RNF213: variants seen among roughly 807,000 people sequenced by gnomAD.
RNF213 encodes the protein E3 ubiquitin-protein ligase RNF213.
RNF213 carries 341 observed loss-of-function variants against 514.4 expected under a neutral mutation model. The ratio of observed to expected loss-of-function variants is 0.66; its 90% CI spans 0.61 to 0.73. RNF213 has a LOEUF of 0.73. Among genes scored for constraint, RNF213 ranks in the 30% least tolerant of loss-of-function variants. The pLI is 0.00. For missense variants in RNF213, 5,767 were observed against 6,615.6 expected, an observed-to-expected ratio of 0.87 and a Z score of 4.45; for synonymous variants, 2,655 against 2,658.2, an observed-to-expected ratio of 1.00 and a Z score of 0.04.
rs1293138937 is a variant in RNF213, at chr17:80,346,593, T to C, written c.8258T>C (p.Phe2753Ser). 1.9e-6 allele frequency: 3 copies of C among 1,613,178 alleles called. No individual in the cohort carries two copies. Among genetic ancestry groups the C allele is most frequent in the African/African-American group, 2.7e-5 (2 of 74,916 alleles). ...AKNLALKENV[F>S]MMVVCIELKI... ...AACTTGGCCTTGAAGGAGAACGTCT[T>C]CATGATGGTCGTCTGCATCGAGCTG... The change falls in exon 29 of 68, where the codon TTC becomes TCC. Residue 2753 changes from phenylalanine (F) to serine (S), a missense_variant. Physicochemically the swap from Phe to Ser is radical, Grantham distance 155 (BLOSUM62 -2). Around this residue, in one of 13 missense-constraint regions of RNF213, gnomAD observed 105 missense variants for 183.9 expected, o/e 0.57. Coordinates refer to ENST00000582970, the MANE Select transcript of RNF213 (RefSeq NM_001256071.3). This position sits in a 1 kb window ranked among gnomAD's most constrained non-coding sequence, Gnocchi z 8.1.
chr17:80,352,994 C>G lies in RNF213; in HGVS notation c.10358C>G (p.Ser3453Cys). The G allele has an allele frequency of 6.2e-7, 1 of 1,613,988 alleles. No homozygotes were observed. Among genetic ancestry groups the G allele is most frequent in the Non-Finnish European group, 8.5e-7 (1 of 1,180,048 alleles). ...DDLRRSTLMV[S>C]DVTRLQHVTI... ...CTCCGGAGATCCACCCTCATGGTTT[C>G]TGATGTGACCAGGCTGCAGCATGTC... is the stretch of plus-strand genomic sequence containing the variant. Residue 3453 changes from serine (S) to cysteine (C), a missense_variant, in exon 33 of 68, where the codon TCT (serine) becomes TGT (cysteine). This residue lies in a region of RNF213 where 919 missense variants were observed against 1,121.0 expected (regional missense o/e 0.82). Transcript: ENST00000582970.
intron 36 of RNF213, 114 bp from the exon 37 acceptor site, chr17:80,358,174 A>G: frequency 1.2e-6 from 1 of 823,602 alleles, no homozygotes; most frequent in Non-Finnish European, 2.0e-6. Context: ...AGTGTGGTAA[A>G]TAGTAGACTA....
chr17:80,279,361 T>C (rs1227171026), intron 3 of RNF213, among the ~76,000 whole-genome samples: 1 of 152,170 alleles, frequency 6.6e-6, no homozygotes, highest in Non-Finnish European at 1.5e-5. Flanking sequence ...ACACAAGGTC[T>C]TGGATGGCGC....
At chr17:80,271,836 T>TGG (rs2043832310) in intron 2 of RNF213, among the ~76,000 whole-genome samples, 1 of 151,326 alleles carries the variant, frequency 6.6e-6, no homozygotes, top group African/African-American at 2.4e-5. Flanking sequence ...AAAAATTAGC[T>TGG]GGGTGTGGTG....
chr17:80,385,638 C>G lies in RNF213; in HGVS notation c.14539+17C>G, dbSNP rs774502050. On this transcript the variant is annotated intron_variant, in intron 61 of 67. Transcript: ENST00000582970. ...AGACGAACGGTTAGTATCCTGTCCC[C>G]TGTACCACTAAGCGTTCCAGGAGAG... 6.2e-7 allele frequency: 1 copy of G among 1,608,268 alleles called. No homozygotes were observed. Among genetic ancestry groups the G allele is most frequent in the South Asian group, 1.1e-5 (1 of 90,928 alleles).
At chr17:80,368,828 G>T (rs1205198117) in intron 44 of RNF213, among the ~76,000 whole-genome samples, 1 of 152,186 alleles carries the variant, frequency 6.6e-6, no homozygotes, top group Non-Finnish European at 1.5e-5. Context: ...GTTAAAAGCA[G>T]CTCTGGCTCT....
intron 31 of RNF213, among the ~76,000 whole-genome samples, chr17:80,351,369 C>G (rs2078504950): frequency 6.6e-6 from 1 of 152,218 alleles, no homozygotes; most frequent in South Asian, 2.1e-4. Context: ...CTTAGCTGCA[C>G]CGGGGCAGGC....
At chr17:80,319,339 G>A (rs147895650) in intron 17 of RNF213, 27 bp downstream of exon 17, 29 of 1,614,072 alleles carry the variant, frequency 1.8e-5, no homozygotes, top group African/African-American at 4.0e-5. Context: ...CCTGGGAAAC[G>A]GATTCGGGCT....
In RNF213 at chr17:80,376,409, G is replaced by A. The variant is rs746918056; in HGVS notation, c.13294G>A (p.Ala4432Thr). 7.4e-6 allele frequency: 12 copies of A among 1,614,208 alleles called. No homozygotes were observed. The highest frequency in any genetic ancestry group is 5.0e-5 in the Admixed American group (3 of 60,026). ...GGACAATTCTGTGCCATTGTTGAGG[G>A]CGGGGCCTAGTGACAGCAACCTTGA... is the stretch of plus-strand genomic sequence containing the variant. The part of the protein sequence containing the change: ...LVDNSVPLLR[A>T]GPSDSNLDGT... The change falls in exon 52 of 68, where the codon GCG (alanine) becomes ACG (threonine). Residue 4432 changes from alanine (A) to threonine (T), a missense_variant. By Grantham distance (58) the Ala-to-Thr change is moderately conservative. Coordinates refer to ENST00000582970, the MANE Select transcript of RNF213 (RefSeq NM_001256071.3).
intron 15 of RNF213, among the ~76,000 whole-genome samples, chr17:80,313,579 AGGTGGTGGAGGTGATGGT>A (rs1181438370): frequency 1.2e-4 from 12 of 103,738 alleles, no homozygotes; most frequent in South Asian, 6.5e-4. Flanking sequence ...GTGGTCATGG[AGGTGGTGGAGGTGATGGT>A]GGTGGTGGAG....
intron 14 of RNF213, among the ~76,000 whole-genome samples, chr17:80,311,674 C>T (rs1246027046): frequency 6.6e-6 from 1 of 152,236 alleles, no homozygotes; most frequent in South Asian, 2.1e-4. Flanking sequence ...CTTTTCCTCT[C>T]TCCCACTCTC....
intron 7 of RNF213, 119 bp from the exon 8 acceptor site, chr17:80,291,509 C>T (rs539278764): frequency 3.0e-6 from 3 of 1,011,926 alleles, no homozygotes; most frequent in African/African-American, 1.6e-5. Context: ...AGGCATGGGC[C>T]ACTGAACCCA....
intron 12 of RNF213, 21 bp downstream of exon 12, chr17:80,306,489 C>T (rs367666183): frequency 4.7e-5 from 76 of 1,608,236 alleles, no homozygotes; most frequent in Non-Finnish European, 6.1e-5. Flanking sequence ...GAAGTCGGCT[C>T]TGGAGTCCTG....
At chr17:80,349,955 CGTGTGG>C in intron 30 of RNF213, 49 bp downstream of exon 30, 1 of 1,610,496 alleles carries the variant, frequency 6.2e-7, no homozygotes. Flanking sequence ...CAGCCGCAGC[CGTGTGG>C]CTTCTGCGTG....
Position 80,390,147 on chromosome 17 carries a change from C to T in RNF213, c.15421C>T (p.Leu5141=). 1.9e-6 allele frequency: 3 copies of T among 1,614,182 alleles called. No individual in the cohort carries two copies. The highest frequency in any genetic ancestry group is 1.7e-6 in the Non-Finnish European group (2 of 1,180,048). ...GCTGCACGAAATGATAATCTTGAAA[C>T]TAAAGAACCCCCAAACCCAAACCGA... ...LELHEMIILK[L]KNPQTQTEER... The change falls in exon 67 of 68, where the codon CTA becomes TTA. Residue 5141 remains leucine, a synonymous_variant. Coordinates refer to ENST00000582970, the MANE Select transcript of RNF213 (RefSeq NM_001256071.3).
intron 3 of RNF213, chr17:80,278,823 A>G (rs1240978881): frequency 6.5e-7 from 1 of 1,537,094 alleles, no homozygotes; most frequent in African/African-American, 1.4e-5. Flanking sequence ...ATGAATGGGA[A>G]GCTGCTAATG....
In RNF213 at chr17:80,298,386, G is replaced by A; in HGVS notation, c.2078G>A (p.Gly693Asp). 1 of 1,614,204 alleles carries A rather than the reference G, an allele frequency of 6.2e-7. No individual in the cohort carries two copies. Among genetic ancestry groups the A allele is most frequent in the Non-Finnish European group, 8.5e-7 (1 of 1,180,042 alleles). The stretch of plus-strand genomic sequence containing the variant: ...GACACAAGGACGTACACCTGGCTGG[G>A]CGCCCTGCCTGTCCTGCACTGCTGT... ...CMDTRTYTWL[G>D]ALPVLHCCME... Residue 693 changes from glycine to aspartate, a missense_variant, in exon 11 of 68, where the codon GGC becomes GAC. Around this residue, in one of 13 missense-constraint regions of RNF213, gnomAD observed 592 missense variants for 673.9 expected, o/e 0.88. Coordinates refer to ENST00000582970, the MANE Select transcript of RNF213 (RefSeq NM_001256071.3).
chr17:80,325,219 G>A (rs2098725075), intron 18 of RNF213, 21 bp downstream of exon 18: 1 of 1,518,616 alleles, frequency 6.6e-7, no homozygotes, highest in Non-Finnish European at 8.8e-7. Flanking sequence ...GGGAGTGCTG[G>A]GAACATCAGC....
At chr17:80,360,662 C>A (rs1040016411) in intron 38 of RNF213, among the ~76,000 whole-genome samples, 1 of 152,208 alleles carries the variant, frequency 6.6e-6, no homozygotes, top group African/African-American at 2.4e-5. Context: ...TCAGGAGGCA[C>A]CTCCCAGCTG....
Sources: allele counts gnomAD v4.1 joint callset (sites outside exome capture counted in the v4.1 genomes callset), GRCh38; gene constraint gnomAD v4.1.1; regional missense constraint gnomAD v4.1.1; non-coding constraint Gnocchi (gnomAD v3.1); transcripts MANE v1.5; gene names NCBI Gene and HGNC (gene_info 2026-07-23, HGNC 2026-07-21).